The following SV2C variants were observed in gnomAD, a reference collection of about 807,000 sequenced individuals.
SV2C encodes the protein solute carrier family 22 member B3.
SV2C carries 49 observed loss-of-function variants against 79.7 expected under a neutral mutation model. The observed-to-expected ratio is 0.61, with a 90% CI of 0.49 to 0.78. SV2C has a LOEUF of 0.78. SV2C is among the 30% of genes least tolerant of loss of function. SV2C has a pLI of 0.00. For missense variants in SV2C, 833 were observed against 912.9 expected (o/e 0.91, Z 1.13); for synonymous variants, 334 against 333.2 (o/e 1.00, Z -0.03).
chr5:76,048,286 C>G, the SV2C span, among the ~76,000 whole-genome samples: 1 of 152,130 alleles, frequency 6.6e-6, no homozygotes, highest in Non-Finnish European at 1.5e-5. Flanking sequence ...TCCTGAGAAC[C>G]AAGAGCACCG....
At chr5:76,054,163 G>A in the SV2C span, among the ~76,000 whole-genome samples, 6 of 151,910 alleles carry the variant, frequency 3.9e-5, no homozygotes, top group Non-Finnish European at 8.8e-5. Context: ...CCCCTGACAG[G>A]CCCCGGTGTG....
intron 4 of SV2C, among the ~76,000 whole-genome samples, chr5:76,268,345 C>T (rs1746731648): frequency 6.6e-6 from 1 of 152,122 alleles, no homozygotes; most frequent in Admixed American, 6.5e-5. Flanking sequence ...ATTCACGGGG[C>T]TCGATGATGC....
chr5:76,209,220 A>T (rs181417600), intron 3 of SV2C, among the ~76,000 whole-genome samples: 1 of 152,332 alleles, frequency 6.6e-6, no homozygotes, highest in Non-Finnish European at 1.5e-5. Context: ...AATGTTTGTC[A>T]ACACATTAAC....
At chr5:76,152,614 T>A (rs2112232586) in intron 2 of SV2C, among the ~76,000 whole-genome samples, 1 of 152,344 alleles carries the variant, frequency 6.6e-6, no homozygotes, top group Non-Finnish European at 1.5e-5. Context: ...GCAATTATAA[T>A]GTGGTACAGA....
chr5:75,972,263 TG>T, the SV2C span, among the ~76,000 whole-genome samples: 40 of 152,212 alleles, frequency 2.6e-4, no homozygotes, highest in African/African-American at 8.7e-4. Context: ...GACATAGGCA[TG>T]GGCAAGGACT....
intron 4 of SV2C, among the ~76,000 whole-genome samples, chr5:76,229,264 C>A (rs1745343518): frequency 6.6e-6 from 1 of 152,234 alleles, no homozygotes; most frequent in African/African-American, 2.4e-5. Context: ...CTACCCCCAT[C>A]CAACTTTGCA....
chr5:75,892,937 C>T, the SV2C span, among the ~76,000 whole-genome samples: 25 of 152,004 alleles, frequency 1.6e-4, no homozygotes, highest in African/African-American at 4.3e-4. Context: ...TGGGTATATA[C>T]CCAGTAATGG....
intron 4 of SV2C, chr5:76,281,240 G>A: frequency 3.8e-6 from 2 of 522,096 alleles, no homozygotes; most frequent in Non-Finnish European, 7.7e-6. Flanking sequence ...CAGAAGAAAA[G>A]TAATAGACTC....
At chr5:75,850,929 A>T in the SV2C span, among the ~76,000 whole-genome samples, 1 of 152,118 alleles carries the variant, frequency 6.6e-6, no homozygotes, top group Admixed American at 6.5e-5. Flanking sequence ...GAAGATTCTG[A>T]GTTATTTGCA....
intron 12 of SV2C, among the ~76,000 whole-genome samples, chr5:76,305,130 G>A (rs371486322): frequency 3.9e-5 from 6 of 152,134 alleles, no homozygotes; most frequent in Non-Finnish European, 8.8e-5. Flanking sequence ...TCACCATTGC[G>A]AGGACAGTAC....
chr5:76,273,873 T>G (rs1746946550), intron 4 of SV2C, among the ~76,000 whole-genome samples: 1 of 152,222 alleles, frequency 6.6e-6, no homozygotes, highest in South Asian at 2.1e-4. Context: ...GCATCTCTGT[T>G]GGCAATAGCG....
chr5:76,069,020 T>G, the SV2C span, among the ~76,000 whole-genome samples: 1 of 152,230 alleles, frequency 6.6e-6, no homozygotes, highest in Non-Finnish European at 1.5e-5. Flanking sequence ...AGCTCAGGTA[T>G]GCAGCTCACC....
At chr5:75,903,378 T>A in the SV2C span, among the ~76,000 whole-genome samples, 2,057 of 146,372 alleles carry the variant, frequency 0.014, 21 homozygotes, top group African/African-American at 0.029. Flanking sequence ...TTTTTTTTTT[T>A]AAAAAAAAAA....
intron 12 of SV2C, among the ~76,000 whole-genome samples, chr5:76,318,190 C>T (rs975539826): frequency 1.3e-5 from 2 of 152,224 alleles, no homozygotes; most frequent in Non-Finnish European, 1.5e-5. Context: ...GAGGCCGAGG[C>T]GGGCAGATCA....
chr5:75,989,454 G>C, the SV2C span, among the ~76,000 whole-genome samples: 983 of 152,128 alleles, frequency 6.5e-3, 16 homozygotes, highest in African/African-American at 0.022. Flanking sequence ...CCCTGCAAAG[G>C]ATGTGGTCTT....
At chr5:76,009,044 G>A in the SV2C span, among the ~76,000 whole-genome samples, 1 of 152,088 alleles carries the variant, frequency 6.6e-6, no homozygotes, top group South Asian at 2.1e-4. Flanking sequence ...CCTGCTCAGT[G>A]AGGCCCACCA....
chr5:75,911,441 C>G, the SV2C span: 1 of 978,882 alleles, frequency 1.0e-6, no homozygotes, highest in Non-Finnish European at 1.6e-6. Context: ...CCCAGAGCCA[C>G]TCCAAACCCC....
rs149642946 is a variant in SV2C, at chr5:76,225,592, C to CA, written c.913+15713dup. ...GTGGTTACTGTAGATCTTAATCAAA[C>CA]AAAAAAAATTGCTCTTGTGTAATCT... On this transcript the variant is annotated intron_variant, in intron 4 of 12. Coordinates refer to ENST00000502798, the MANE Select transcript of SV2C (RefSeq NM_014979.4). Among the ~76,000 whole-genome samples, 210 of 151,496 alleles carry CA rather than the reference C, an allele frequency of 1.4e-3. 4 individuals are homozygous for CA. In the East Asian group the frequency reaches 0.037, roughly 27 times the overall value.
chr5:76,286,810 A>G (rs188266287), intron 6 of SV2C: 1 of 152,360 alleles, frequency 6.6e-6, no homozygotes, highest in East Asian at 1.9e-4. Context: ...AATGCTGAGC[A>G]AAAGGGAGAA....
Sources: gnomAD v4.1 joint callset for allele counts (sites outside exome capture counted in the v4.1 genomes callset) on GRCh38, gnomAD v4.1.1 for gene constraint, MANE v1.5 for transcripts, NCBI Gene and HGNC (gene_info 2026-07-23, HGNC 2026-07-21) for gene names.